Variants in TRPM3 observed in about 807,000 individuals in gnomAD.
TRPM3 encodes the protein long transient receptor potential channel 3.
In TRPM3, 77 loss-of-function variants were observed where a neutral mutation model predicts 181.2. The ratio of observed to expected loss-of-function variants is 0.42; its 90% CI spans 0.35 to 0.51. The LOEUF (loss-of-function observed/expected upper bound fraction) is 0.51, where lower values mean the gene tolerates loss of function less well. TRPM3 is among the 20% of genes least tolerant of loss of function. TRPM3 has a pLI of 0.01. For synonymous variants in TRPM3, 745 were observed against 796.4 expected (o/e 0.94, Z 1.09); for missense variants, 1,759 against 2,196.7 (o/e 0.80, Z 3.98).
At chr9:71,125,909 G>C (rs199617473), upstream of TRPM3, among the ~76,000 whole-genome samples, 2 of 152,076 alleles carry the variant, frequency 1.3e-5, no homozygotes, top group Non-Finnish European at 2.9e-5. Context: ...CACAGCAAAA[G>C]AAACTATCAT....
intron 1 of TRPM3, among the ~76,000 whole-genome samples, chr9:70,910,464 A>G (rs2096526993): frequency 6.6e-6 from 1 of 152,182 alleles, no homozygotes; most frequent in South Asian, 2.1e-4. Context: ...TAGTAGTTGT[A>G]TAAGTATATG....
chr9:71,405,018 A>T (rs79057327), intron 1 of TRPM3, among the ~76,000 whole-genome samples: 2,163 of 152,278 alleles, frequency 0.014, 46 homozygotes, highest in East Asian at 0.085. Context: ...CTACATTTTG[A>T]TATTTCTACA....
At chr9:71,035,681 C>A (rs1034659696) in intron 1 of TRPM3, among the ~76,000 whole-genome samples, 6 of 152,172 alleles carry the variant, frequency 3.9e-5, no homozygotes, top group African/African-American at 1.4e-4. Flanking sequence ...TGTGCCAATG[C>A]ACTCCAGCCT....
intron 1 of TRPM3, among the ~76,000 whole-genome samples, chr9:71,258,091 C>A (rs368071950): frequency 6.6e-6 from 1 of 152,232 alleles, no homozygotes; most frequent in South Asian, 2.1e-4. Context: ...AGGCTAAAAT[C>A]ATGAAAATGA....
At chr9:71,165,649 CTAAAGGGTAGCTCAGATT>C (rs1565294624) in intron 1 of TRPM3, among the ~76,000 whole-genome samples, 5 of 152,088 alleles carry the variant, frequency 3.3e-5, no homozygotes, top group Non-Finnish European at 7.4e-5. Context: ...AATGAGGAAC[CTAAAGGGTAGCTCAGATT>C]TCCTGAGTGT....
intron 1 of TRPM3, among the ~76,000 whole-genome samples, chr9:71,039,970 A>G (rs1016542054): frequency 1.4e-3 from 214 of 152,298 alleles, no homozygotes; most frequent in African/African-American, 4.8e-3. Flanking sequence ...TATAAGGGAA[A>G]TAGTTTTTAA....
intron 1 of TRPM3, among the ~76,000 whole-genome samples, chr9:71,170,193 CA>C (rs763769918): frequency 3.3e-5 from 5 of 151,798 alleles, no homozygotes; most frequent in Non-Finnish European, 5.9e-5. Context: ...ATTAATGACT[CA>C]GGGGGAGAAA....
intron 9 of TRPM3, among the ~76,000 whole-genome samples, chr9:70,674,969 TAGAG>T (rs2063716620): frequency 6.6e-6 from 1 of 152,078 alleles, no homozygotes; most frequent in Admixed American, 6.5e-5. Flanking sequence ...GGTCAGAACA[TAGAG>T]ATTCTCATTA....
intron 1 of TRPM3, among the ~76,000 whole-genome samples, chr9:71,206,705 T>C (rs535216633): frequency 1.8e-4 from 27 of 152,302 alleles, no homozygotes; most frequent in Middle Eastern, 3.4e-3. Flanking sequence ...CTTCTAGGAT[T>C]TTTATGGTTT....
chr9:71,379,906 A>T (rs1221595588), intron 1 of TRPM3, among the ~76,000 whole-genome samples: 1 of 152,014 alleles, frequency 6.6e-6, no homozygotes, highest in Non-Finnish European at 1.5e-5. Context: ...CCTACAGCAT[A>T]CGCAAGTAAC....
chr9:70,784,419 G>A, intron 6 of TRPM3, 140 bp from the exon 7 acceptor site: 2 of 923,480 alleles, frequency 2.2e-6, no homozygotes, highest in Non-Finnish European at 3.1e-6. Context: ...AAGGGATATG[G>A]TACTGAGCAA....
chr9:71,202,928 A>G (rs1255040864), intron 1 of TRPM3, among the ~76,000 whole-genome samples: 1 of 152,236 alleles, frequency 6.6e-6, no homozygotes, highest in Non-Finnish European at 1.5e-5. Flanking sequence ...AAACAGCAAC[A>G]TTGTAAATAC....
At chr9:71,386,177 G>A (rs983037581) in intron 1 of TRPM3, among the ~76,000 whole-genome samples, 1 of 152,028 alleles carries the variant, frequency 6.6e-6, no homozygotes, top group Non-Finnish European at 1.5e-5. Flanking sequence ...CAAGCCAAGC[G>A]TGGTGGCTCC....
intron 21 of TRPM3, among the ~76,000 whole-genome samples, chr9:70,596,127 C>T (rs1360491939): frequency 6.6e-6 from 1 of 152,110 alleles, no homozygotes; most frequent in Non-Finnish European, 1.5e-5. Flanking sequence ...CACAGCTGGT[C>T]ATTTAGTATG....
intron 1 of TRPM3, among the ~76,000 whole-genome samples, chr9:71,430,049 T>C (rs1370824256): frequency 6.6e-6 from 1 of 152,182 alleles, no homozygotes; most frequent in African/African-American, 2.4e-5. Flanking sequence ...TCTATCTCCC[T>C]GTCTTGCTTT....
intron 1 of TRPM3, among the ~76,000 whole-genome samples, chr9:71,197,535 G>A (rs1292208463): frequency 6.6e-6 from 1 of 151,822 alleles, no homozygotes; most frequent in African/African-American, 2.4e-5. Flanking sequence ...AGCACCTGTT[G>A]TTTCCTGACT....
intron 1 of TRPM3, among the ~76,000 whole-genome samples, chr9:71,315,134 C>G (rs1370804449): frequency 2.0e-5 from 3 of 152,094 alleles, no homozygotes; most frequent in Non-Finnish European, 4.4e-5. Flanking sequence ...CCCTTTTCTG[C>G]CTCCAAATTT....
chr9:71,418,802 C>CTA (rs2093678179), intron 1 of TRPM3, among the ~76,000 whole-genome samples: 1 of 48,818 alleles, frequency 2.0e-5, no homozygotes, highest in African/African-American at 6.2e-5. Context: ...CTTTGAGATA[C>CTA]TATATATATA....
intron 1 of TRPM3, among the ~76,000 whole-genome samples, chr9:71,143,034 C>T (rs865846464): frequency 1.5e-4 from 23 of 149,666 alleles, no homozygotes; most frequent in African/African-American, 5.2e-4. Flanking sequence ...CCTGTAGTTC[C>T]GGCTACTTGG....
Sources: gnomAD v4.1 joint callset for allele counts (sites outside exome capture counted in the v4.1 genomes callset) on GRCh38, gnomAD v4.1.1 for gene constraint, MANE v1.5 for transcripts, NCBI Gene and HGNC (gene_info 2026-07-23, HGNC 2026-07-21) for gene names.